EHHADH: variants seen among roughly 807,000 people sequenced by gnomAD.
EHHADH encodes enoyl-CoA hydratase and 3-hydroxyacyl CoA dehydrogenase, also known as peroxisomal bifunctional enzyme.
Under a neutral mutation model 64.4 loss-of-function variants are expected in EHHADH, and 48 were observed. That is an observed-to-expected ratio of 0.75 (90% CI 0.59 to 0.95). The LOEUF is 0.95. Ranked by LOEUF, EHHADH falls within the 40% of genes least tolerant of loss-of-function variation. The pLI is 0.00. For missense variants in EHHADH, 854 were observed against 876.6 expected (o/e 0.97, Z 0.33); for synonymous variants, 308 against 326.7 (o/e 0.94, Z 0.62).
intron 2 of EHHADH, chr3:185,245,669 T>G: frequency 1.4e-6 from 1 of 718,986 alleles, no homozygotes; most frequent in Non-Finnish European, 2.5e-6. Context: ...TATCTGTTTT[T>G]GTTGGAATCT....
intron 1 of EHHADH, 139 bp downstream of exon 1, chr3:185,253,810 A>AT (rs1719818471): frequency 1.5e-6 from 2 of 1,371,694 alleles, no homozygotes; most frequent in Non-Finnish European, 1.9e-6. Flanking sequence ...AGAAAAAAAA[A>AT]GTTCCTGGCA....
chr3:185,241,519 T>G lies in EHHADH; in HGVS notation c.179-6057A>C, dbSNP rs540939419. ...CTTGCGGGAGTAAGGTGGTATCGCA[T>G]TGTGGTTTTGATTTGCATTTCCCTG... On this transcript the variant is annotated intron_variant, in intron 2 of 6. Coordinates refer to ENST00000231887, the MANE Select transcript of EHHADH (RefSeq NM_001966.4). Among the ~76,000 whole-genome samples the G allele has an allele frequency of 2.8e-4, 42 of 152,324 alleles. No individual in the cohort carries two copies. In the South Asian group the frequency reaches 8.3e-3, roughly 30 times the overall value.
Position 185,201,218 on chromosome 3 carries a change from G to A in EHHADH, c.910+3198C>T, listed in dbSNP as rs1718213153. Among the ~76,000 whole-genome samples, 5 of 152,136 alleles carry A rather than the reference G, an allele frequency of 3.3e-5. 1 individual carries two copies. Among genetic ancestry groups the A allele is most frequent in the Admixed American group, 3.3e-4 (5 of 15,270 alleles). ...AGGTGAATGTCCCTGAGTCTGAGGAGGCAAAAAACCCAGATGCTACAAGGA... is the reference window on the plus strand; with the variant it reads ...AGGTGAATGTCCCTGAGTCTGAGGAAGCAAAAAACCCAGATGCTACAAGGA... On this transcript the variant is annotated intron_variant, in intron 6 of 6. Transcript: ENST00000231887.
chr3:185,225,253 A>G (rs928163646), intron 4 of EHHADH, among the ~76,000 whole-genome samples: 1 of 152,032 alleles, frequency 6.6e-6, no homozygotes, highest in South Asian at 2.1e-4. Context: ...AGCTCTTGTG[A>G]TACTTCCATA....
chr3:185,238,306 T>C (rs1719354526), intron 2 of EHHADH, among the ~76,000 whole-genome samples: 1 of 152,224 alleles, frequency 6.6e-6, no homozygotes, highest in Non-Finnish European at 1.5e-5. Context: ...ATGATAGCTC[T>C]GTTTTTAATT....
chr3:185,229,528 G>A lies in EHHADH; in HGVS notation c.367C>T (p.Pro123Ser). ...IAHAEAQVGL[P>S]EVTLGLLPGA... ...GGGAGAAGTCCCAGTGTAACTTCTG[G>A]TAAGCCAACTTGAGCCTATCAAAGA... is the stretch of plus-strand genomic sequence containing the variant. The change falls in exon 4 of 7, where the codon CCA (proline) becomes TCA (serine). Residue 123 changes from proline (P) to serine (S), a missense_variant. Physicochemically the swap from Pro to Ser is moderately conservative, Grantham distance 74. Transcript: ENST00000231887. 6.4e-7 allele frequency: 1 copy of A among 1,568,818 alleles called. No homozygotes were observed. Among genetic ancestry groups the A allele is most frequent in the Non-Finnish European group, 8.7e-7 (1 of 1,153,860 alleles).
chr3:185,219,572 A>G (rs1718781073), intron 4 of EHHADH, among the ~76,000 whole-genome samples: 1 of 152,184 alleles, frequency 6.6e-6, no homozygotes, highest in Admixed American at 6.5e-5. Flanking sequence ...ACAGTTCTTC[A>G]CCAGTTGTAA....
At chr3:185,202,521 A>G (rs1483132785) in intron 6 of EHHADH, among the ~76,000 whole-genome samples, 1 of 152,166 alleles carries the variant, frequency 6.6e-6, no homozygotes, top group Non-Finnish European at 1.5e-5. Context: ...TTGGTGCTAC[A>G]GCAGGGGTCG....
rs1719445609 is a variant in EHHADH at position 185,241,322 on chromosome 3, T to A, written c.179-5860A>T. On this transcript the variant is annotated intron_variant, in intron 2 of 6. Coordinates refer to ENST00000231887, the MANE Select transcript of EHHADH (RefSeq NM_001966.4). ...TTTCCTCTGCATAGATACCAAGTAG[T>A]AGGATTGCTGGATCAAATGGTAGTT... Among the ~76,000 whole-genome samples the A allele has an allele frequency of 2.0e-5, 3 of 152,310 alleles. No homozygotes were observed. In the South Asian group the frequency reaches 6.2e-4, roughly 32 times the overall value.
intron 5 of EHHADH, among the ~76,000 whole-genome samples, chr3:185,206,838 A>G (rs1373718485): frequency 6.6e-6 from 1 of 150,954 alleles, no homozygotes; most frequent in Non-Finnish European, 1.5e-5. Context: ...CAAAAAAAAC[A>G]GAAAAAAAAA....
chr3:185,241,646 A>ATT (rs902456662), intron 2 of EHHADH, among the ~76,000 whole-genome samples: 2 of 150,190 alleles, frequency 1.3e-5, no homozygotes, highest in South Asian at 4.2e-4. Context: ...TTTTAATGGG[A>ATT]TTTTTTTTTC....
At chr3:185,198,632 T>C (rs1718138013) in intron 6 of EHHADH, among the ~76,000 whole-genome samples, 1 of 150,856 alleles carries the variant, frequency 6.6e-6, no homozygotes, top group African/African-American at 2.4e-5. Context: ...GTGGATCACT[T>C]GAGGCCAGGA....
chr3:185,223,845 G>GA (rs1384382706), intron 4 of EHHADH, among the ~76,000 whole-genome samples: 1 of 152,332 alleles, frequency 6.6e-6, no homozygotes, highest in East Asian at 1.9e-4. Context: ...AAATAAAACA[G>GA]AAAGAGGAGC....
At chr3:185,210,138 T>G (rs73193013) in intron 5 of EHHADH, among the ~76,000 whole-genome samples, 2,930 of 152,278 alleles carry the variant, frequency 0.019, 35 homozygotes, top group Non-Finnish European at 0.026. Flanking sequence ...CTATGCCATG[T>G]AACAGGGCAT....
In EHHADH at chr3:185,193,273, TACACCACC is replaced by T; in HGVS notation, c.1117_1124del (p.Gly373ArgfsTer5). The T allele has an allele frequency of 6.2e-7, 1 of 1,603,986 alleles. No individual in the cohort carries two copies. Among genetic ancestry groups the T allele is most frequent in the Non-Finnish European group, 8.5e-7 (1 of 1,175,676 alleles). On this transcript the variant is annotated frameshift_variant, in exon 7 of 7. Transcript: ENST00000231887. LOFTEE classifies it high-confidence loss of function. ...CAAATACTGCTTCAATGACTAAATC[TACACCACC>T]AAGCTCCTTCACAGATGAAGTTAAC...
chr3:185,194,534 C>A (rs539628965), intron 6 of EHHADH, among the ~76,000 whole-genome samples: 2 of 151,938 alleles, frequency 1.3e-5, no homozygotes, highest in African/African-American at 4.8e-5. Flanking sequence ...ATCACTTGAA[C>A]CCAGGTGGCA....
In EHHADH at chr3:185,204,585, C is replaced by T. The variant is rs373788163; in HGVS notation, c.741G>A (p.Val247=). ...ACAGCTCCTCCTCCTTCTTGATGCC[C>T]ACTTCATAGGGATACTGCACAGCAG... ...VQAAVQYPYE[V]GIKKEEELFL... Residue 247 remains valine (V), a synonymous_variant, in exon 6 of 7, where the codon GTG becomes GTA. Coordinates refer to ENST00000231887, the MANE Select transcript of EHHADH (RefSeq NM_001966.4). The T allele has an allele frequency of 9.3e-6, 15 of 1,614,058 alleles. No individual in the cohort carries two copies. The highest frequency in any genetic ancestry group is 1.3e-5 in the Non-Finnish European group (15 of 1,180,046).
chr3:185,206,626 G>A (rs1718399267), intron 5 of EHHADH, among the ~76,000 whole-genome samples: 1 of 151,840 alleles, frequency 6.6e-6, no homozygotes, highest in South Asian at 2.1e-4. Flanking sequence ...TCAGGAGTTC[G>A]AGACCAGCCT....
chr3:185,240,194 G>T (rs1281598000), intron 2 of EHHADH, among the ~76,000 whole-genome samples: 1 of 150,110 alleles, frequency 6.7e-6, no homozygotes, highest in East Asian at 2.0e-4. Flanking sequence ...TAGCATTTAT[G>T]TTCATCAGTT....
Sources: gnomAD v4.1 joint callset for allele counts (sites outside exome capture counted in the v4.1 genomes callset) on GRCh38, gnomAD v4.1.1 for gene constraint, MANE v1.5 for transcripts, NCBI Gene and HGNC (gene_info 2026-07-23, HGNC 2026-07-21) for gene names.